The following DLGAP4 variants were observed in gnomAD, a reference collection of about 807,000 sequenced individuals.
DLGAP4 encodes the protein DLG associated protein 4.
In DLGAP4, 18 loss-of-function variants were observed where a neutral mutation model predicts 86.9. The ratio of observed to expected loss-of-function variants is 0.21; its 90% CI spans 0.14 to 0.31. The LOEUF is 0.31. Ranked by LOEUF, DLGAP4 falls within the 10% of genes least tolerant of loss-of-function variation. The probability of loss-of-function intolerance (pLI) is 1.00; values close to 1 mark genes in which losing one functional copy is unlikely to be tolerated. For missense variants in DLGAP4, 1,085 were observed against 1,362.6 expected (o/e 0.80, Z 3.21); for synonymous variants, 548 against 574.3 (o/e 0.95, Z 0.65).
At chr20:36,519,454 G>A (rs1231747076) in intron 10 of DLGAP4, among the ~76,000 whole-genome samples, 1 of 152,174 alleles carries the variant, frequency 6.6e-6, no homozygotes, top group Non-Finnish European at 1.5e-5. Flanking sequence ...GTGCGTGCAT[G>A]TACACACAGA....
chr20:36,396,618 GAC>G (rs1430107983), intron 2 of DLGAP4, among the ~76,000 whole-genome samples: 2 of 122,016 alleles, frequency 1.6e-5, no homozygotes, highest in African/African-American at 6.3e-5. Flanking sequence ...ACACACCACA[GAC>G]ACAAACACAT....
chr20:36,430,857 A>G (rs1357323350), intron 2 of DLGAP4, among the ~76,000 whole-genome samples: 1 of 150,748 alleles, frequency 6.6e-6, no homozygotes, highest in Non-Finnish European at 1.5e-5. Context: ...CGGCAGGCTG[A>G]GGCAGGAGAA....
At position 36,392,982 on chromosome 20, in the gene DLGAP4, G is replaced by A. The variant is rs576936746; in HGVS notation, c.-73+25707G>A. Among the ~76,000 whole-genome samples, 16 of 151,784 alleles carry A rather than the reference G, an allele frequency of 1.1e-4. No individual in the cohort carries two copies. In the East Asian group the frequency reaches 3.1e-3, roughly 29 times the overall value. ...TGGGGCAGAGCATTCCTGGTAGAGG[G>A]AACAGCCAGTACGCCCTGAGGCAGG... On this transcript the variant is annotated intron_variant, in intron 2 of 12. Transcript: ENST00000339266.
chr20:36,391,244 C>A (rs1600472785), intron 2 of DLGAP4, among the ~76,000 whole-genome samples: 1 of 152,162 alleles, frequency 6.6e-6, no homozygotes, highest in South Asian at 2.1e-4. Flanking sequence ...CCCACTCTGA[C>A]CATGAACTCC....
intron 2 of DLGAP4, among the ~76,000 whole-genome samples, chr20:36,400,501 C>T (rs2032124942): frequency 6.6e-6 from 1 of 152,010 alleles, no homozygotes. Context: ...TTTTAAATTA[C>T]GTGTGTAGGT....
At chr20:36,427,638 T>TG (rs2033012838) in intron 2 of DLGAP4, among the ~76,000 whole-genome samples, 1 of 149,822 alleles carries the variant, frequency 6.7e-6, no homozygotes, top group African/African-American at 2.5e-5. Flanking sequence ...TTCTCCTCAG[T>TG]TTTTTTTTAA....
intron 7 of DLGAP4, chr20:36,461,957 C>A: frequency 1.0e-6 from 1 of 984,950 alleles, no homozygotes; most frequent in South Asian, 4.7e-5. Flanking sequence ...TTCTGGGCGA[C>A]CCCACTCTTC....
At chr20:36,451,716 C>T (rs962739927) in intron 7 of DLGAP4, among the ~76,000 whole-genome samples, 5 of 151,382 alleles carry the variant, frequency 3.3e-5, no homozygotes, top group African/African-American at 4.9e-5. Flanking sequence ...TGTCCACATA[C>T]GGCATCTTAA....
chr20:36,521,191 G>C (rs1489455659), intron 10 of DLGAP4, among the ~76,000 whole-genome samples: 1 of 152,068 alleles, frequency 6.6e-6, no homozygotes, highest in East Asian at 1.9e-4. Flanking sequence ...CTGGCCTCGA[G>C]TGATCTGCCT....
intron 1 of DLGAP4, among the ~76,000 whole-genome samples, chr20:36,348,026 T>G (rs764021918): frequency 2.0e-5 from 3 of 152,150 alleles, no homozygotes; most frequent in Non-Finnish European, 4.4e-5. Flanking sequence ...ACCCATCTTA[T>G]CCACATTCCA....
chr20:36,383,661 A>T (rs2031482986), intron 2 of DLGAP4, among the ~76,000 whole-genome samples: 1 of 152,108 alleles, frequency 6.6e-6, no homozygotes, highest in South Asian at 2.1e-4. Flanking sequence ...GGTCTCTGGA[A>T]TGAAAGAGAT....
At chr20:36,485,726 C>A (rs1260985767) in intron 7 of DLGAP4, among the ~76,000 whole-genome samples, 1 of 152,204 alleles carries the variant, frequency 6.6e-6, no homozygotes, top group Admixed American at 6.5e-5. Context: ...TACCACTCCT[C>A]CCAGAGCTGT....
chr20:36,321,295 G>A (rs1445599341), intron 1 of DLGAP4, among the ~76,000 whole-genome samples: 3 of 152,262 alleles, frequency 2.0e-5, no homozygotes, highest in East Asian at 3.8e-4. Flanking sequence ...AGACCTGGCT[G>A]CACATGGGAG....
chr20:36,392,961 G>A (rs1377580747), intron 2 of DLGAP4, among the ~76,000 whole-genome samples: 2 of 152,114 alleles, frequency 1.3e-5, no homozygotes, highest in Non-Finnish European at 2.9e-5. Flanking sequence ...AGGGTCTGGG[G>A]CAGAGCATTC....
chr20:36,335,188 C>A (rs940592590), intron 1 of DLGAP4, among the ~76,000 whole-genome samples: 2 of 152,040 alleles, frequency 1.3e-5, no homozygotes, highest in African/African-American at 4.8e-5. Context: ...GACTAGGGGA[C>A]CCTGCCGTTG....
At chr20:36,453,934 CAAAAAAAAAAA>C (rs1194294335) in intron 7 of DLGAP4, among the ~76,000 whole-genome samples, 16 of 42,694 alleles carry the variant, frequency 3.7e-4, no homozygotes, top group South Asian at 1.9e-3. Context: ...ACTCTGTCTC[CAAAAAAAAAAA>C]AAAAAAAAAA....
intron 10 of DLGAP4, among the ~76,000 whole-genome samples, chr20:36,520,220 G>A (rs548384450): frequency 1.3e-5 from 2 of 152,052 alleles, no homozygotes; most frequent in South Asian, 2.1e-4. Context: ...TTTAAAACTG[G>A]GTTTATCTTT....
chr20:36,526,064 C>T (rs1440627070), intron 12 of DLGAP4, 58 bp downstream of exon 12: 4 of 1,610,604 alleles, frequency 2.5e-6, no homozygotes, highest in South Asian at 2.2e-5. Flanking sequence ...TCGGCAATAA[C>T]GCTGCCCACA....
At chr20:36,363,878 C>T (rs748021487) in intron 1 of DLGAP4, among the ~76,000 whole-genome samples, 2 of 152,104 alleles carry the variant, frequency 1.3e-5, no homozygotes, top group African/African-American at 4.8e-5. Flanking sequence ...AGCCAATGAT[C>T]GTGGCAATGG....
Sources: allele counts gnomAD v4.1 joint callset (sites outside exome capture counted in the v4.1 genomes callset), GRCh38; gene constraint gnomAD v4.1.1; transcripts MANE v1.5; gene names NCBI Gene and HGNC (gene_info 2026-07-23, HGNC 2026-07-21).